PPARGC1A: variants seen among roughly 807,000 people sequenced by gnomAD.
PPARGC1A encodes the protein PPARG coactivator 1 alpha, also known as peroxisome proliferator-activated receptor gamma coactivator 1-alpha.
Under a neutral mutation model 88.7 loss-of-function variants are expected in PPARGC1A, and 25 were observed. The observed-to-expected ratio is 0.28, with a 90% CI of 0.21 to 0.39. The LOEUF is 0.39. Among genes scored for constraint, PPARGC1A ranks in the 10% least tolerant of loss-of-function variants. The pLI is 1.00. For synonymous variants in PPARGC1A, 363 were observed against 355.6 expected (o/e 1.02, Z -0.24); for missense variants, 880 against 968.7 (o/e 0.91, Z 1.22).
the PPARGC1A span, among the ~76,000 whole-genome samples, chr4:24,245,668 T>C: frequency 6.6e-6 from 1 of 152,072 alleles, no homozygotes; most frequent in African/African-American, 2.4e-5. Context: ...CATAGACTAT[T>C]CTCTCAGAAA....
At chr4:24,150,451 T>C in the PPARGC1A span, among the ~76,000 whole-genome samples, 1 of 152,146 alleles carries the variant, frequency 6.6e-6, no homozygotes, top group Non-Finnish European at 1.5e-5. Flanking sequence ...TTAAACAACG[T>C]TCAGAAAAAA....
chr4:24,317,367 G>A, the PPARGC1A span, among the ~76,000 whole-genome samples: 2 of 151,488 alleles, frequency 1.3e-5, no homozygotes, highest in East Asian at 3.9e-4. Context: ...GAAACCCACA[G>A]GTAAATAAAG....
rs574516915 is a variant in PPARGC1A at position 23,822,659 on chromosome 4, T to C, written c.877+1621A>G. ...GAAGATTTTAAGAGGAGATGACAAT[T>C]GTAGACATTATATGTTGCACTGCAT... On this transcript the variant is annotated intron_variant, in intron 7 of 12. Coordinates refer to ENST00000264867, the MANE Select transcript of PPARGC1A (RefSeq NM_013261.5). Among the ~76,000 whole-genome samples, 17 of 152,154 alleles carry C rather than the reference T, an allele frequency of 1.1e-4. No individual in the cohort carries two copies. The South Asian group carries it at 3.5e-3, about 32-fold the overall frequency.
chr4:24,122,653 G>A, the PPARGC1A span, among the ~76,000 whole-genome samples: 1 of 152,056 alleles, frequency 6.6e-6, no homozygotes, highest in Non-Finnish European at 1.5e-5. Flanking sequence ...CCTAGGACAT[G>A]GAAATGGGAC....
chr4:23,937,494 A>C, the PPARGC1A span, among the ~76,000 whole-genome samples: 1 of 152,110 alleles, frequency 6.6e-6, no homozygotes, highest in Middle Eastern at 3.4e-3. Context: ...TTTTCACTAG[A>C]AAATAAAATA....
chr4:23,997,495 C>T, the PPARGC1A span, among the ~76,000 whole-genome samples: 191 of 128,584 alleles, frequency 1.5e-3, 3 homozygotes, highest in Non-Finnish European at 3.3e-4. Context: ...GCCAAGAAAG[C>T]CCTTTTTTTT....
the PPARGC1A span, among the ~76,000 whole-genome samples, chr4:24,151,142 A>C: frequency 3.5e-4 from 53 of 152,308 alleles, no homozygotes; most frequent in African/African-American, 1.1e-3. Context: ...ATTTGTTGAC[A>C]TTGCTCCCCT....
At chr4:24,280,418 TG>T in the PPARGC1A span, among the ~76,000 whole-genome samples, 1 of 152,174 alleles carries the variant, frequency 6.6e-6, no homozygotes, top group African/African-American at 2.4e-5. Context: ...GCTTCAGAGC[TG>T]CATCCTGAAA....
chr4:24,060,526 G>A, the PPARGC1A span, among the ~76,000 whole-genome samples: 6 of 152,334 alleles, frequency 3.9e-5, no homozygotes, highest in East Asian at 5.8e-4. Context: ...TACTTTTGTA[G>A]AACAACAACA....
the PPARGC1A span, among the ~76,000 whole-genome samples, chr4:24,425,815 A>G: frequency 6.6e-6 from 1 of 152,198 alleles, no homozygotes; most frequent in Non-Finnish European, 1.5e-5. Context: ...TCAAATTGTC[A>G]TGGTGCCGAA....
the PPARGC1A span, among the ~76,000 whole-genome samples, chr4:23,981,717 G>T: frequency 6.6e-6 from 1 of 152,228 alleles, no homozygotes; most frequent in East Asian, 1.9e-4. Flanking sequence ...TTCCCCATGT[G>T]TGTACTATTT....
At chr4:24,190,621 G>A in the PPARGC1A span, among the ~76,000 whole-genome samples, 1 of 152,144 alleles carries the variant, frequency 6.6e-6, no homozygotes, top group African/African-American at 2.4e-5. Context: ...CATTAACTAG[G>A]TTTTATTATT....
Position 23,848,969 on chromosome 4 carries a change from C to T in PPARGC1A, c.235-17218G>A, listed in dbSNP as rs370732518. Among the ~76,000 whole-genome samples, 6 of 152,158 alleles carry T rather than the reference C, an allele frequency of 3.9e-5. No homozygotes were observed. In the South Asian group the frequency reaches 1.2e-3, roughly 32 times the overall value. On this transcript the variant is annotated intron_variant, in intron 2 of 12. Coordinates refer to ENST00000264867, the MANE Select transcript of PPARGC1A (RefSeq NM_013261.5). The stretch of plus-strand genomic sequence containing the variant: ...CCATCCTGGCTAACACGGTGAAACC[C>T]CATCTCTACTGAAAATACAAAAAAT...
the PPARGC1A span, among the ~76,000 whole-genome samples, chr4:24,418,211 T>C: frequency 1.3e-5 from 2 of 152,154 alleles, no homozygotes; most frequent in Non-Finnish European, 2.9e-5. Flanking sequence ...AATTCAATGA[T>C]ATTCCCCACC....
At chr4:24,256,391 T>A in the PPARGC1A span, among the ~76,000 whole-genome samples, 2 of 152,330 alleles carry the variant, frequency 1.3e-5, no homozygotes, top group African/African-American at 4.8e-5. Flanking sequence ...ATGCCTCGCA[T>A]TCGCAGACAA....
the PPARGC1A span, among the ~76,000 whole-genome samples, chr4:24,061,061 A>AAAAAG: frequency 1.3e-5 from 2 of 151,946 alleles, no homozygotes; most frequent in South Asian, 2.1e-4. Context: ...TTCTGGAAAA[A>AAAAAG]AAAAGAAAAG....
At chr4:24,215,290 G>A in the PPARGC1A span, among the ~76,000 whole-genome samples, 1 of 152,234 alleles carries the variant, frequency 6.6e-6, no homozygotes, top group Non-Finnish European at 1.5e-5. Flanking sequence ...CACACAGAGA[G>A]AATGGGATTG....
the PPARGC1A span, among the ~76,000 whole-genome samples, chr4:24,394,121 A>G: frequency 6.6e-6 from 1 of 152,248 alleles, no homozygotes; most frequent in African/African-American, 2.4e-5. Flanking sequence ...GCTACAAAAG[A>G]AAGTGAGAAT....
chr4:23,963,120 C>G, the PPARGC1A span, among the ~76,000 whole-genome samples: 1 of 152,046 alleles, frequency 6.6e-6, no homozygotes, highest in Non-Finnish European at 1.5e-5. Context: ...ATGGTGGAGA[C>G]CCCGTGAAAA....
Sources: gnomAD v4.1 joint callset for allele counts (sites outside exome capture counted in the v4.1 genomes callset) on GRCh38, gnomAD v4.1.1 for gene constraint, MANE v1.5 for transcripts, NCBI Gene and HGNC (gene_info 2026-07-23, HGNC 2026-07-21) for gene names.